The following CCDC146 variants were observed in gnomAD, a reference collection of about 807,000 sequenced individuals.
CCDC146 encodes coiled-coil domain-containing protein 146.
CCDC146 carries 92 observed loss-of-function variants against 119.3 expected under a neutral mutation model. The observed-to-expected ratio is 0.77, with a 90% CI of 0.65 to 0.92. The LOEUF is 0.92. Ranked by LOEUF, CCDC146 falls within the 40% of genes least tolerant of loss-of-function variation. The pLI, the probability that CCDC146 is intolerant of heterozygous loss-of-function variation, is 0.00. For missense variants in CCDC146, 1,000 were observed against 1,103.0 expected (o/e 0.91, Z 1.32); for synonymous variants, 372 against 371.8 (o/e 1.00, Z -0.01).
intron 2 of CCDC146, among the ~76,000 whole-genome samples, chr7:77,173,108 G>A (rs1791448344): frequency 6.6e-6 from 1 of 152,130 alleles, no homozygotes. Flanking sequence ...CCGAGGGGAG[G>A]GAAATTAGAG....
At position 77,193,267 on chromosome 7, in the gene CCDC146, T is replaced by G. The variant is rs553587909; in HGVS notation, c.156+25443T>G. The G allele has an allele frequency of 2.0e-5, 3 of 152,336 alleles. No homozygotes were observed. In the South Asian group the frequency reaches 6.2e-4, roughly 32 times the overall value. 9.4% of individuals were successfully genotyped at this position (152,336 alleles called of 1,614,324 possible). ...GGTGTTCCTCTATTTGCCTCTGACT[T>G]CTTGTTAATGAAATAGTACTCATTA... On this transcript the variant is annotated intron_variant, in intron 2 of 18. Transcript: ENST00000285871.
chr7:77,294,561 G>T (rs186628429), intron 18 of CCDC146, 102 bp from the exon 19 acceptor site: 75 of 957,424 alleles, frequency 7.8e-5, no homozygotes, highest in East Asian at 2.3e-4. Flanking sequence ...CAGCTAGCAC[G>T]GTCAAAGACT....
At position 77,241,766 on chromosome 7, in the gene CCDC146, C is replaced by T; in HGVS notation, c.315C>T (p.His105=). ...AGCAAATACAACAGCAGCAGTTTCA[C>T]CTGCAGCAAGCTGATAATTTTCCAG... ...FTEQIQQQQF[H]LQQADNFPEA... Residue 105 remains histidine, a synonymous_variant, in exon 4 of 19, where the codon CAC becomes CAT. Coordinates refer to ENST00000285871, the MANE Select transcript of CCDC146 (RefSeq NM_020879.3). 1 of 1,614,034 alleles carries T rather than the reference C, an allele frequency of 6.2e-7. No homozygotes were observed.
chr7:77,291,703 G>A (rs2150558847), intron 17 of CCDC146, among the ~76,000 whole-genome samples: 1 of 152,262 alleles, frequency 6.6e-6, no homozygotes, highest in African/African-American at 2.4e-5. Context: ...GTGAGACCCT[G>A]TCTCAAAACA....
At chr7:77,207,299 A>G (rs945493767) in intron 2 of CCDC146, among the ~76,000 whole-genome samples, 1 of 152,066 alleles carries the variant, frequency 6.6e-6, no homozygotes, top group African/African-American at 2.4e-5. Flanking sequence ...ATTTTCTGTT[A>G]TTTGCAGTGA....
At chr7:77,226,422 T>G (rs1301383937) in intron 2 of CCDC146, among the ~76,000 whole-genome samples, 1 of 152,232 alleles carries the variant, frequency 6.6e-6, no homozygotes, top group Non-Finnish European at 1.5e-5. Context: ...CCTAATTCTT[T>G]CCTCATGCTG....
chr7:77,197,789 T>C (rs961669495), intron 2 of CCDC146, among the ~76,000 whole-genome samples: 1 of 152,200 alleles, frequency 6.6e-6, no homozygotes, highest in Non-Finnish European at 1.5e-5. Context: ...GTATTTATTA[T>C]CTAGGAAAGT....
At chr7:77,244,161 C>G (rs1377378091) in intron 4 of CCDC146, among the ~76,000 whole-genome samples, 1 of 151,982 alleles carries the variant, frequency 6.6e-6, no homozygotes, top group East Asian at 1.9e-4. Context: ...AATTAAAAAC[C>G]TTACATAATA....
At chr7:77,181,107 A>C (rs1331359380) in intron 2 of CCDC146, among the ~76,000 whole-genome samples, 1 of 152,202 alleles carries the variant, frequency 6.6e-6, no homozygotes, top group Non-Finnish European at 1.5e-5. Context: ...GAAGGAAGGG[A>C]CACATCATGT....
intron 18 of CCDC146, among the ~76,000 whole-genome samples, chr7:77,294,381 T>C (rs1377642101): frequency 1.3e-5 from 2 of 152,008 alleles, no homozygotes; most frequent in East Asian, 3.9e-4. Flanking sequence ...GGTGTGTGTG[T>C]GTGGTGTGAT....
At chr7:77,153,426 C>CTTT (rs66503834) in intron 1 of CCDC146, among the ~76,000 whole-genome samples, 2 of 133,392 alleles carry the variant, frequency 1.5e-5, no homozygotes, top group Non-Finnish European at 3.2e-5. Context: ...TGGGACTTTT[C>CTTT]TTTTTTTTTT....
At chr7:77,200,041 T>C (rs902109997) in intron 2 of CCDC146, among the ~76,000 whole-genome samples, 1 of 152,248 alleles carries the variant, frequency 6.6e-6, no homozygotes, top group Non-Finnish European at 1.5e-5. Context: ...GCCAACAAGA[T>C]TCACTTTCAT....
intron 11 of CCDC146, among the ~76,000 whole-genome samples, chr7:77,277,706 C>G (rs1430937410): frequency 6.6e-6 from 1 of 152,092 alleles, no homozygotes; most frequent in Non-Finnish European, 1.5e-5. Flanking sequence ...CTTCCTGACC[C>G]CTATTCTCAT....
At chr7:77,213,703 T>A (rs1225826280) in intron 2 of CCDC146, among the ~76,000 whole-genome samples, 1 of 152,208 alleles carries the variant, frequency 6.6e-6, no homozygotes, top group Non-Finnish European at 1.5e-5. Flanking sequence ...AGCTCCCACT[T>A]ATAAGTTAGA....
intron 2 of CCDC146, among the ~76,000 whole-genome samples, chr7:77,172,794 T>C (rs1791442035): frequency 6.6e-6 from 1 of 152,210 alleles, no homozygotes; most frequent in Admixed American, 6.5e-5. Context: ...CCTAGTCGTA[T>C]TGCCTCCATT....
At chr7:77,260,269 A>ACTG in intron 8 of CCDC146, 33 bp downstream of exon 8, 1 of 1,484,862 alleles carries the variant, frequency 6.7e-7, no homozygotes. Flanking sequence ...ATGTTCTGTC[A>ACTG]TCTAAATTTT....
intron 1 of CCDC146, among the ~76,000 whole-genome samples, chr7:77,128,214 AGCTC>A (rs1790717071): frequency 6.6e-6 from 1 of 151,956 alleles, no homozygotes; most frequent in Non-Finnish European, 1.5e-5. Context: ...TTTTATTTAT[AGCTC>A]ATCTTCAGCG....
At chr7:77,224,064 A>T (rs1792457294) in intron 2 of CCDC146, among the ~76,000 whole-genome samples, 1 of 152,196 alleles carries the variant, frequency 6.6e-6, no homozygotes, top group African/African-American at 2.4e-5. Flanking sequence ...GGTAGAAATA[A>T]CATGTAAAAA....
intron 2 of CCDC146, among the ~76,000 whole-genome samples, chr7:77,186,870 G>A (rs1791676163): frequency 6.6e-6 from 1 of 152,100 alleles, no homozygotes; most frequent in Admixed American, 6.6e-5. Context: ...AGTGAGATTG[G>A]TTATAGCTCG....
Sources: allele counts gnomAD v4.1 joint callset (sites outside exome capture counted in the v4.1 genomes callset), GRCh38; gene constraint gnomAD v4.1.1; transcripts MANE v1.5; gene names NCBI Gene and HGNC (gene_info 2026-07-23, HGNC 2026-07-21).